LRRTM4: variants seen among roughly 807,000 people sequenced by gnomAD.
LRRTM4 encodes leucine rich repeat transmembrane neuronal 4.
A neutral mutation model predicts 47.6 loss-of-function variants in LRRTM4; 25 were observed. That is an observed-to-expected ratio of 0.53 (90% CI 0.38 to 0.73). The LOEUF is 0.73. Among genes scored for constraint, LRRTM4 ranks in the 30% least tolerant of loss-of-function variants. LRRTM4 has a pLI of 0.00. For missense variants in LRRTM4, 638 were observed against 713.4 expected (o/e 0.89, Z 1.20); for synonymous variants, 311 against 269.5 (o/e 1.15, Z -1.51).
chr2:76,767,661 T>C (rs962658560), intron 3 of LRRTM4, among the ~76,000 whole-genome samples: 2 of 151,894 alleles, frequency 1.3e-5, no homozygotes, highest in African/African-American at 4.8e-5. Flanking sequence ...TGGCAATCCA[T>C]GCTCCCACTC....
At chr2:77,209,998 C>A (rs1374614409) in intron 3 of LRRTM4, among the ~76,000 whole-genome samples, 2 of 152,138 alleles carry the variant, frequency 1.3e-5, no homozygotes, top group Non-Finnish European at 2.9e-5. Context: ...AAGCTCTCTG[C>A]CTAGATTTAC....
chr2:77,201,457 G>A (rs1469198169), intron 3 of LRRTM4, among the ~76,000 whole-genome samples: 1 of 151,946 alleles, frequency 6.6e-6, no homozygotes, highest in East Asian at 1.9e-4. Context: ...TGAATTTTTG[G>A]AAAAGGAAAT....
intron 3 of LRRTM4, among the ~76,000 whole-genome samples, chr2:77,342,418 A>T (rs1671405800): frequency 6.6e-6 from 1 of 151,874 alleles, no homozygotes; most frequent in Non-Finnish European, 1.5e-5. Flanking sequence ...ACAAATAATT[A>T]TCTGCCCCAA....
intron 3 of LRRTM4, among the ~76,000 whole-genome samples, chr2:77,284,273 A>G (rs1390458357): frequency 6.6e-6 from 1 of 152,136 alleles, no homozygotes; most frequent in Non-Finnish European, 1.5e-5. Flanking sequence ...TAATTATCAT[A>G]GTATACTTAC....
chr2:77,057,061 C>T (rs1422796183), intron 3 of LRRTM4, among the ~76,000 whole-genome samples: 1 of 152,186 alleles, frequency 6.6e-6, no homozygotes, highest in African/African-American at 2.4e-5. Context: ...ATTACAATGA[C>T]AGAGTACTGT....
intron 3 of LRRTM4, among the ~76,000 whole-genome samples, chr2:76,959,659 C>G (rs541657687): frequency 4.0e-5 from 6 of 151,700 alleles, no homozygotes; most frequent in Admixed American, 3.3e-4. Context: ...AAACAACATG[C>G]AAAATAAGGT....
chr2:77,203,098 TATATATACACACAC>T (rs1165164342), intron 3 of LRRTM4, among the ~76,000 whole-genome samples: 2 of 151,958 alleles, frequency 1.3e-5, no homozygotes, highest in African/African-American at 4.8e-5. Context: ...AGTAAATATA[TATATATACACACAC>T]ATATATACAT....
chr2:77,138,914 C>A (rs1274654407), intron 3 of LRRTM4, among the ~76,000 whole-genome samples: 1 of 152,110 alleles, frequency 6.6e-6, no homozygotes, highest in Non-Finnish European at 1.5e-5. Context: ...ACTCCCAAGA[C>A]TAAACCAGGA....
In LRRTM4 at chr2:77,399,047, C is replaced by G. The variant is rs1236740684; in HGVS notation, c.1551+119271G>C. ...TCCATCCTGCCATGACTAGACTGGCCTTTATGTAAGTCCCCTCAATAAACT... is the reference window on the plus strand; with the variant it reads ...TCCATCCTGCCATGACTAGACTGGCGTTTATGTAAGTCCCCTCAATAAACT... On this transcript the variant is annotated intron_variant, in intron 3 of 3. Transcript: ENST00000409884. Among the ~76,000 whole-genome samples, 5 of 151,604 alleles carry G rather than the reference C, an allele frequency of 3.3e-5. No homozygotes were observed. In the East Asian group the frequency reaches 9.7e-4, roughly 30 times the overall value.
chr2:77,104,960 A>C (rs973557365), intron 3 of LRRTM4, among the ~76,000 whole-genome samples: 4 of 152,190 alleles, frequency 2.6e-5, no homozygotes. Context: ...ACATTTCAAA[A>C]AATGGCAAGA....
At position 77,428,530 on chromosome 2, in the gene LRRTM4, G is replaced by C. The variant is rs573873448; in HGVS notation, c.1551+89788C>G. Among the ~76,000 whole-genome samples, 350 of 152,234 alleles carry C rather than the reference G, an allele frequency of 2.3e-3. 2 individuals are homozygous for C. The highest frequency in any genetic ancestry group is 3.9e-3 in the Non-Finnish European group (262 of 68,012). ...GAGAATCACTCATTTAATGTGAGAA[G>C]GACTCTTAGCCCACAGTAGAATATT... On this transcript the variant is annotated intron_variant, in intron 3 of 3. Coordinates refer to ENST00000409884, the MANE Select transcript of LRRTM4 (RefSeq NM_001134745.3).
At chr2:77,182,880 T>C (rs910092834) in intron 3 of LRRTM4, among the ~76,000 whole-genome samples, 4 of 152,152 alleles carry the variant, frequency 2.6e-5, no homozygotes, top group Non-Finnish European at 2.9e-5. Context: ...TGGCTAGCCA[T>C]ATGTAGAAAG....
At chr2:77,083,797 T>TGG (rs1680612461) in intron 3 of LRRTM4, among the ~76,000 whole-genome samples, 1 of 97,930 alleles carries the variant, frequency 1.0e-5, no homozygotes, top group Admixed American at 1.0e-4. Flanking sequence ...TTTTTTTTTT[T>TGG]TTTTTTTTTT....
intron 3 of LRRTM4, among the ~76,000 whole-genome samples, chr2:77,102,960 C>T (rs549759741): frequency 1.3e-5 from 2 of 152,180 alleles, no homozygotes; most frequent in East Asian, 1.9e-4. Context: ...ACATGGAAAG[C>T]CTACCATATA....
intron 3 of LRRTM4, among the ~76,000 whole-genome samples, chr2:76,956,299 GAAAAAAT>G (rs1222411905): frequency 1.3e-5 from 2 of 150,946 alleles, no homozygotes; most frequent in Admixed American, 1.3e-4. Flanking sequence ...AATAAAAACT[GAAAAAAT>G]AAAAAATAAA....
intron 3 of LRRTM4, among the ~76,000 whole-genome samples, chr2:76,775,863 C>T (rs1031301493): frequency 1.3e-5 from 2 of 152,054 alleles, no homozygotes; most frequent in African/African-American, 2.4e-5. Context: ...CCCACTAACT[C>T]GTCATCTAGC....
chr2:77,292,549 G>C (rs1044295606), intron 3 of LRRTM4, among the ~76,000 whole-genome samples: 8 of 151,944 alleles, frequency 5.3e-5, no homozygotes, highest in African/African-American at 1.9e-4. Flanking sequence ...CCTTTGTAGG[G>C]ACATGGATGA....
At chr2:77,094,675 T>C (rs188594882) in intron 3 of LRRTM4, among the ~76,000 whole-genome samples, 4 of 152,256 alleles carry the variant, frequency 2.6e-5, no homozygotes, top group Non-Finnish European at 5.9e-5. Flanking sequence ...CAAACACACA[T>C]TGGGTCAAGG....
intron 3 of LRRTM4, among the ~76,000 whole-genome samples, chr2:76,881,304 T>C (rs1672921737): frequency 2.0e-5 from 3 of 152,134 alleles, no homozygotes; most frequent in African/African-American, 7.2e-5. Context: ...ATTTTAGACA[T>C]TCAACAATTC....
Sources: allele counts gnomAD v4.1 joint callset (sites outside exome capture counted in the v4.1 genomes callset), GRCh38; gene constraint gnomAD v4.1.1; transcripts MANE v1.5; gene names NCBI Gene and HGNC (gene_info 2026-07-23, HGNC 2026-07-21).